TNR: variants seen among roughly 807,000 people sequenced by gnomAD.
TNR encodes tenascin-R.
TNR carries 45 observed loss-of-function variants against 150.4 expected under a neutral mutation model. The observed-to-expected ratio is 0.30, with a 90% CI of 0.24 to 0.38. The LOEUF is 0.38. Among genes scored for constraint, TNR ranks in the 10% least tolerant of loss-of-function variants. The pLI, the probability that TNR is intolerant of heterozygous loss-of-function variation, is 1.00. For missense variants in TNR, 1,544 were observed against 1,759.1 expected (o/e 0.88, Z 2.19); for synonymous variants, 687 against 678.4 (o/e 1.01, Z -0.20).
At chr1:175,709,120 T>G (rs994072440) in intron 1 of TNR, among the ~76,000 whole-genome samples, 7 of 152,068 alleles carry the variant, frequency 4.6e-5, no homozygotes, top group African/African-American at 1.7e-4. Context: ...GCTGTTGCCT[T>G]CTATTTGTTC....
At chr1:175,484,555 TTC>T (rs768520269) in intron 2 of TNR, among the ~76,000 whole-genome samples, 66 of 152,314 alleles carry the variant, frequency 4.3e-4, no homozygotes, top group African/African-American at 1.6e-3. Flanking sequence ...TCTCTGAGTC[TTC>T]TCTGTTTCTT....
chr1:175,524,316 G>C (rs892850770), intron 2 of TNR, among the ~76,000 whole-genome samples: 1 of 152,086 alleles, frequency 6.6e-6, no homozygotes, highest in African/African-American at 2.4e-5. Flanking sequence ...CTTTCCATAG[G>C]ATTCAGGGAT....
intron 2 of TNR, among the ~76,000 whole-genome samples, chr1:175,515,315 C>A (rs1659360000): frequency 6.6e-6 from 1 of 152,200 alleles, no homozygotes; most frequent in Non-Finnish European, 1.5e-5. Flanking sequence ...AGAGAAAGAT[C>A]TGTGCTCCCG....
At chr1:175,480,419 A>AGAAAGAAAG (rs373622666) in intron 2 of TNR, among the ~76,000 whole-genome samples, 18 of 110,934 alleles carry the variant, frequency 1.6e-4, no homozygotes, top group African/African-American at 2.8e-4. Context: ...AAAGAAAGAA[A>AGAAAGAAAG]AAAGAAAGAA....
intron 10 of TNR, among the ~76,000 whole-genome samples, 159 bp downstream of exon 10, chr1:175,367,049 G>T (rs16848304): frequency 6.6e-6 from 1 of 152,202 alleles, no homozygotes; most frequent in Non-Finnish European, 1.5e-5. Flanking sequence ...TCAAGGATTA[G>T]GCATAGGGTG....
At position 175,720,651 on chromosome 1, in the gene TNR, C is replaced by T. The variant is rs1296739819; in HGVS notation, c.-165+22575G>A. Among the ~76,000 whole-genome samples, 4 of 152,164 alleles carry T rather than the reference C, an allele frequency of 2.6e-5. No homozygotes were observed. The East Asian group carries it at 5.8e-4, about 22-fold the overall frequency. ...TAAGCAGTCAAATAGAGGTATTCTG[C>T]AATGGGAGCAGGAAGTAATAGATTT... On this transcript the variant is annotated intron_variant, in intron 1 of 22. Transcript: ENST00000367674.
chr1:175,575,416 G>A (rs1328144623), intron 1 of TNR, among the ~76,000 whole-genome samples: 2 of 152,192 alleles, frequency 1.3e-5, no homozygotes, highest in Admixed American at 6.5e-5. Flanking sequence ...TGCAAGCCTT[G>A]TGCTAGGCAC....
intron 4 of TNR, 80 bp downstream of exon 4, chr1:175,403,060 T>C: frequency 8.2e-7 from 1 of 1,225,562 alleles, no homozygotes; most frequent in Non-Finnish European, 1.2e-6. Context: ...CACTCATCTT[T>C]CTTCCCAAGC....
chr1:175,663,855 A>T (rs1665453564), intron 1 of TNR, among the ~76,000 whole-genome samples: 1 of 152,234 alleles, frequency 6.6e-6, no homozygotes, highest in Non-Finnish European at 1.5e-5. Context: ...CACCCAATTG[A>T]CAGGAAGCCT....
chr1:175,742,522 A>G (rs1218687559), intron 1 of TNR, among the ~76,000 whole-genome samples: 1 of 152,162 alleles, frequency 6.6e-6, no homozygotes, highest in Non-Finnish European at 1.5e-5. Flanking sequence ...AGTCTCTGCA[A>G]AGCTCAAGAC....
intron 2 of TNR, among the ~76,000 whole-genome samples, chr1:175,425,332 A>G (rs1413378653): frequency 6.6e-6 from 1 of 152,182 alleles, no homozygotes; most frequent in Non-Finnish European, 1.5e-5. Flanking sequence ...TAACATGGAG[A>G]TACTTAATAA....
At chr1:175,530,861 A>G (rs940772985) in intron 1 of TNR, among the ~76,000 whole-genome samples, 1 of 152,064 alleles carries the variant, frequency 6.6e-6, no homozygotes, top group African/African-American at 2.4e-5. Flanking sequence ...ACATATATAC[A>G]TATGTGAATG....
At chr1:175,566,926 T>G (rs1455381535) in intron 1 of TNR, among the ~76,000 whole-genome samples, 2 of 152,242 alleles carry the variant, frequency 1.3e-5, no homozygotes, top group Admixed American at 1.3e-4. Context: ...AAATCATGTC[T>G]GCAGCTACTG....
At chr1:175,533,573 C>T (rs894755133) in intron 1 of TNR, among the ~76,000 whole-genome samples, 8 of 152,180 alleles carry the variant, frequency 5.3e-5, no homozygotes, top group African/African-American at 1.2e-4. Context: ...GTGTGAGAGA[C>T]GCTGAAGTTC....
intron 1 of TNR, among the ~76,000 whole-genome samples, chr1:175,613,340 T>G (rs1027747341): frequency 1.3e-5 from 2 of 152,152 alleles, no homozygotes; most frequent in Admixed American, 1.3e-4. Context: ...ATCTGGGGTA[T>G]TTTGTGAGCC....
intron 1 of TNR, among the ~76,000 whole-genome samples, chr1:175,607,147 T>C (rs1663435267): frequency 6.6e-6 from 1 of 152,232 alleles, no homozygotes; most frequent in Admixed American, 6.5e-5. Context: ...TTCTTCTTTC[T>C]TTATCTCCAG....
intron 2 of TNR, among the ~76,000 whole-genome samples, chr1:175,424,539 A>G (rs545593762): frequency 3.9e-4 from 59 of 152,306 alleles, no homozygotes; most frequent in African/African-American, 1.3e-3. Context: ...TGATTAGAAT[A>G]ATGAACTGGG....
In TNR at chr1:175,406,343, G is replaced by A; in HGVS notation, c.372C>T (p.Ala124=). The A allele has an allele frequency of 6.2e-7, 1 of 1,614,166 alleles. No individual in the cohort carries two copies. Among genetic ancestry groups the A allele is most frequent in the Non-Finnish European group, 8.5e-7 (1 of 1,180,028 alleles). ...CCTGGGCTGAACTGGCACATGGACAGGCCTTTTTGGGGAAGTTGATCCTGT... is the reference window on the plus strand; with the variant it reads ...CCTGGGCTGAACTGGCACATGGACAAGCCTTTTTGGGGAAGTTGATCCTGT... The part of the protein sequence containing the change: ...FTHRINFPKK[A]CPCASSAQVL... Residue 124 remains alanine (A), a synonymous_variant, in exon 3 of 23, where the codon GCC becomes GCT. Coordinates refer to ENST00000367674, the MANE Select transcript of TNR (RefSeq NM_003285.3).
chr1:175,530,634 A>T (rs1660024836), intron 1 of TNR, among the ~76,000 whole-genome samples: 1 of 152,194 alleles, frequency 6.6e-6, no homozygotes, highest in South Asian at 2.1e-4. Context: ...ACATACAAAC[A>T]TCATCATTTT....
Sources: allele counts gnomAD v4.1 joint callset (sites outside exome capture counted in the v4.1 genomes callset), GRCh38; gene constraint gnomAD v4.1.1; transcripts MANE v1.5; gene names NCBI Gene and HGNC (gene_info 2026-07-23, HGNC 2026-07-21).